The following UCHL5 variants were observed in gnomAD, a reference collection of about 807,000 sequenced individuals.
UCHL5 encodes the protein ubiquitin carboxyl-terminal hydrolase isozyme L5.
In UCHL5, 34 loss-of-function variants were observed where a neutral mutation model predicts 53.8. The observed-to-expected ratio is 0.63, with a 90% CI of 0.48 to 0.84. The LOEUF is 0.84. Ranked by LOEUF, UCHL5 falls within the 40% of genes least tolerant of loss-of-function variation. The pLI, the probability that UCHL5 is intolerant of heterozygous loss-of-function variation, is 0.00. For missense variants in UCHL5, 290 were observed against 385.6 expected (o/e 0.75, Z 2.08); for synonymous variants, 111 against 126.3 (o/e 0.88, Z 0.81).
At chr1:193,019,302 C>T (rs1412398762) in intron 10 of UCHL5, among the ~76,000 whole-genome samples, 2 of 151,528 alleles carry the variant, frequency 1.3e-5, no homozygotes, top group Non-Finnish European at 3.0e-5. Flanking sequence ...CCATGAGTTG[C>T]TTAAGAGAAA....
At chr1:193,021,781 T>C (rs1321395156) in intron 9 of UCHL5, among the ~76,000 whole-genome samples, 1 of 152,216 alleles carries the variant, frequency 6.6e-6, no homozygotes, top group Non-Finnish European at 1.5e-5. Flanking sequence ...ATAAATTCAT[T>C]TAAACTTCAT....
chr1:193,020,146 A>T, intron 10 of UCHL5: 6 of 984,998 alleles, frequency 6.1e-6, no homozygotes, highest in Non-Finnish European at 6.0e-6. Context: ...TTTACATTTA[A>T]TGCTAAAAGT....
chr1:193,022,413 A>C (rs1460272397), intron 9 of UCHL5, among the ~76,000 whole-genome samples: 1 of 152,148 alleles, frequency 6.6e-6, no homozygotes, highest in Non-Finnish European at 1.5e-5. Flanking sequence ...ACATCCAAGC[A>C]CTTTGGGAGG....
chr1:193,052,568 A>G (rs1016359808), intron 1 of UCHL5, among the ~76,000 whole-genome samples: 1 of 152,192 alleles, frequency 6.6e-6, no homozygotes, highest in Non-Finnish European at 1.5e-5. Flanking sequence ...GTACAGTAGT[A>G]ATCGTGTAGT....
At chr1:193,038,992 A>G (rs1484590416) in intron 3 of UCHL5, among the ~76,000 whole-genome samples, 2 of 152,234 alleles carry the variant, frequency 1.3e-5, no homozygotes, top group Non-Finnish European at 2.9e-5. Flanking sequence ...TGTCTCAAAA[A>G]CAAAAAAGTT....
chr1:193,018,376 T>C (rs540861724), intron 10 of UCHL5: 16 of 439,474 alleles, frequency 3.6e-5, no homozygotes, highest in African/African-American at 3.2e-4. Context: ...ATCATAAATA[T>C]ACCTGAATAA....
intron 10 of UCHL5, among the ~76,000 whole-genome samples, chr1:193,017,799 T>C (rs1489586077): frequency 6.6e-6 from 1 of 151,576 alleles, no homozygotes; most frequent in East Asian, 1.9e-4. Flanking sequence ...TTATACACTT[T>C]ACAGATATGA....
chr1:193,049,029 C>G (rs1246963225), intron 3 of UCHL5, among the ~76,000 whole-genome samples: 1 of 152,126 alleles, frequency 6.6e-6, no homozygotes, highest in African/African-American at 2.4e-5. Flanking sequence ...GCTGGGACCA[C>G]AGGCACGCCA....
chr1:193,038,208 G>A (rs1004240119), intron 3 of UCHL5, among the ~76,000 whole-genome samples: 1 of 152,122 alleles, frequency 6.6e-6, no homozygotes, highest in African/African-American at 2.4e-5. Context: ...TGTAATCACA[G>A]CACTTTGGGA....
intron 3 of UCHL5, among the ~76,000 whole-genome samples, chr1:193,036,317 C>CAAAAAAAAA (rs960496083): frequency 1.0e-3 from 53 of 50,802 alleles, no homozygotes; most frequent in Non-Finnish European, 1.2e-3. Flanking sequence ...AACTGGAAAC[C>CAAAAAAAAA]AAAAAAAAAA....
chr1:193,030,837 A>C (rs1025185015), intron 3 of UCHL5, among the ~76,000 whole-genome samples: 1 of 152,134 alleles, frequency 6.6e-6, no homozygotes, highest in African/African-American at 2.4e-5. Context: ...GATCTTATGA[A>C]TATCTACCAG....
chr1:193,020,216 C>G, intron 10 of UCHL5: 2 of 1,401,972 alleles, frequency 1.4e-6, no homozygotes, highest in South Asian at 3.4e-5. Context: ...GCTCACATCT[C>G]ATATTATTTA....
Position 193,029,451 on chromosome 1 carries a change from T to C in UCHL5, c.373-2A>G. The C allele has an allele frequency of 1.9e-6, 3 of 1,613,542 alleles. No homozygotes were observed. Among genetic ancestry groups the C allele is most frequent in the Non-Finnish European group, 2.5e-6 (3 of 1,179,784 alleles). On this transcript the variant is annotated splice_acceptor_variant, in intron 4 of 10. Coordinates refer to ENST00000367454, the MANE Select transcript of UCHL5 (RefSeq NM_001199261.3). LOFTEE classifies it high-confidence loss of function. ...ATTGCTCAGTGCCAAGCCTTTCATC[T>C]AAAATAATTTTTTAAAGTAGCCTAT...
chr1:193,041,679 T>C (rs1364770292), intron 3 of UCHL5, among the ~76,000 whole-genome samples: 3 of 152,154 alleles, frequency 2.0e-5, no homozygotes, highest in Admixed American at 2.0e-4. Context: ...AGCAACACAA[T>C]TCACAGTAAC....
At chr1:193,018,522 G>A (rs1655666195) in intron 10 of UCHL5, 4 of 1,116,210 alleles carry the variant, frequency 3.6e-6, no homozygotes, top group East Asian at 4.7e-5. Flanking sequence ...TAAATGTGGT[G>A]TGTATTCAAC....
chr1:193,020,367 AAAGT>A, intron 10 of UCHL5: 2 of 1,548,414 alleles, frequency 1.3e-6, no homozygotes, highest in Non-Finnish European at 1.7e-6. Context: ...GTGTCTTCTC[AAAGT>A]GTTTCTCAAA....
Position 193,048,360 on chromosome 1 carries a change from T to C in UCHL5, c.246+1386A>G, listed in dbSNP as rs150331646. The stretch of plus-strand genomic sequence containing the variant: ...CCCACTGTGAGCTTAAAAGGTTTGC[T>C]ATGGGTAATTTAACTTCTCAACAAT... On this transcript the variant is annotated intron_variant, in intron 3 of 10. Coordinates refer to ENST00000367454, the MANE Select transcript of UCHL5 (RefSeq NM_001199261.3). Among the ~76,000 whole-genome samples the C allele has an allele frequency of 2.1e-3, 317 of 152,344 alleles. 2 individuals are homozygous for C. Among genetic ancestry groups the C allele is most frequent in the African/African-American group, 6.6e-3 (274 of 41,578 alleles).
At chr1:193,057,744 A>G (rs549259605) in intron 1 of UCHL5, among the ~76,000 whole-genome samples, 10 of 152,338 alleles carry the variant, frequency 6.6e-5, no homozygotes, top group African/African-American at 2.4e-4. Flanking sequence ...TGTTCTAGTC[A>G]CTTTGCTAGC....
At position 193,023,116 on chromosome 1, in the gene UCHL5, G is replaced by A. The variant is rs2102341489; in HGVS notation, c.733-80C>T. The A allele has an allele frequency of 3.7e-6, 4 of 1,089,242 alleles. No homozygotes were observed. In the South Asian group the frequency reaches 5.9e-5, roughly 16 times the overall value. 67.5% of individuals were successfully genotyped at this position (1,089,242 alleles called of 1,614,324 possible). ...AGAATATTTTAAAATGATAAACACA[G>A]TATGATTATTTTCAAATTTTTACTC... On this transcript the variant is annotated intron_variant, in intron 8 of 10. Coordinates refer to ENST00000367454, the MANE Select transcript of UCHL5 (RefSeq NM_001199261.3).
Sources: allele counts gnomAD v4.1 joint callset (sites outside exome capture counted in the v4.1 genomes callset), GRCh38; gene constraint gnomAD v4.1.1; transcripts MANE v1.5; gene names NCBI Gene and HGNC (gene_info 2026-07-23, HGNC 2026-07-21).